PCDHGA4: variants seen among roughly 807,000 people sequenced by gnomAD.
The protein encoded by PCDHGA4 is protocadherin gamma subfamily A, 4.
In PCDHGA4, 38 loss-of-function variants were observed where a neutral mutation model predicts 54.6. The observed-to-expected ratio is 0.70, with a 90% confidence interval of 0.54 to 0.91. PCDHGA4 has a LOEUF of 0.91. Ranked by LOEUF, PCDHGA4 falls within the 40% of genes least tolerant of loss-of-function variation. PCDHGA4 has a pLI of 0.00. For missense variants in PCDHGA4, 1,298 were observed against 1,220.9 expected (o/e 1.06, Z -0.94); for synonymous variants, 511 against 512.9 (o/e 1.00, Z 0.05).
rs2099747616 is a variant in PCDHGA4 at position 141,493,318 on chromosome 5, TA to T, written c.2515-1487del. 6.6e-6 allele frequency among the ~76,000 whole-genome samples: 1 copy of T among 152,234 alleles called. No homozygotes were observed. Among genetic ancestry groups the T allele is most frequent in the South Asian group, 2.1e-4 (1 of 4,828 alleles). On this transcript the variant is annotated intron_variant, in intron 1 of 3. Coordinates refer to ENST00000571252, the MANE Select transcript of PCDHGA4 (RefSeq NM_018917.4). This position sits in a 1 kb window ranked among gnomAD's most constrained non-coding sequence, Gnocchi z 4.3. ...TTCACAGAGCAAGTAAGAGAGATTC[TA>T]ACCCCTGTCTAACTCCAGAATGTGT...
chr5:141,450,479 G>GTTTT (rs1165567597), intron 1 of PCDHGA4, among the ~76,000 whole-genome samples: 124 of 152,020 alleles, frequency 8.2e-4, no homozygotes, highest in African/African-American at 2.9e-3. Flanking sequence ...GAGTTTGTTT[G>GTTTT]TTTGTTTGTC....
At chr5:141,423,008 C>A in intron 1 of PCDHGA4, 13 of 1,614,214 alleles carry the variant, frequency 8.1e-6, no homozygotes, top group Non-Finnish European at 1.1e-5. Flanking sequence ...AAGGTGGTTG[C>A]GGTGGACAAA....
chr5:141,446,917 C>G (rs979679080), intron 1 of PCDHGA4, among the ~76,000 whole-genome samples: 1 of 152,108 alleles, frequency 6.6e-6, no homozygotes, highest in South Asian at 2.1e-4. Flanking sequence ...TTTTATTTAT[C>G]TTCCTGATCT....
At chr5:141,415,397 G>T (rs1168654728) in intron 1 of PCDHGA4, 1 of 1,614,124 alleles carries the variant, frequency 6.2e-7, no homozygotes, top group African/African-American at 1.3e-5. Context: ...GGTGTGTCCG[G>T]CTCGCACTTT....
At chr5:141,384,834 C>G (rs369584315) in intron 1 of PCDHGA4, 2 of 1,613,478 alleles carry the variant, frequency 1.2e-6, no homozygotes, top group Non-Finnish European at 1.7e-6. Flanking sequence ...TCGTGGTGGC[C>G]GTCCAGGACC....
At chr5:141,404,875 C>A in intron 1 of PCDHGA4, 1 of 1,613,904 alleles carries the variant, frequency 6.2e-7, no homozygotes, top group Non-Finnish European at 8.5e-7. Context: ...TCAAACAGAG[C>A]CTTGTGGTGG....
intron 1 of PCDHGA4, chr5:141,408,748 T>A (rs757813921): frequency 2.5e-6 from 4 of 1,608,714 alleles, no homozygotes; most frequent in Non-Finnish European, 3.4e-6. Flanking sequence ...CATTAATGGT[T>A]AGAGTTAATT....
At chr5:141,369,431 C>T (rs935831476) in intron 1 of PCDHGA4, among the ~76,000 whole-genome samples, 1 of 152,124 alleles carries the variant, frequency 6.6e-6, no homozygotes, top group Non-Finnish European at 1.5e-5. Flanking sequence ...ATTTGGGACG[C>T]TGAGGTGGGA....
intron 1 of PCDHGA4, chr5:141,427,962 G>T: frequency 2.5e-6 from 4 of 1,590,100 alleles, no homozygotes; most frequent in Non-Finnish European, 3.4e-6. Flanking sequence ...TGTGCCGCGG[G>T]TGCTGTACCC....
chr5:141,428,056 C>T (rs2097104330), intron 1 of PCDHGA4: 3 of 1,609,000 alleles, frequency 1.9e-6, no homozygotes, highest in African/African-American at 1.3e-5. Flanking sequence ...AAGGTGGTGG[C>T]GGTGGACGCA....
chr5:141,499,466 G>C (rs1337970911), intron 2 of PCDHGA4, among the ~76,000 whole-genome samples: 1 of 152,034 alleles, frequency 6.6e-6, no homozygotes, highest in African/African-American at 2.4e-5. Flanking sequence ...TTACAATCTA[G>C]GGAGAACCAC....
intron 1 of PCDHGA4, among the ~76,000 whole-genome samples, chr5:141,434,902 C>T (rs1591355042): frequency 6.6e-6 from 1 of 151,934 alleles, no homozygotes; most frequent in East Asian, 1.9e-4. Flanking sequence ...CCCCTTCCCT[C>T]ATACCTTATT....
chr5:141,466,819 C>A (rs2099130454), intron 1 of PCDHGA4, among the ~76,000 whole-genome samples: 1 of 152,068 alleles, frequency 6.6e-6, no homozygotes, highest in Non-Finnish European at 1.5e-5. Context: ...CATGGTATAA[C>A]AAGTTAGTAT....
chr5:141,434,178 G>C (rs960680568), intron 1 of PCDHGA4, among the ~76,000 whole-genome samples: 1 of 152,178 alleles, frequency 6.6e-6, no homozygotes, highest in African/African-American at 2.4e-5. Flanking sequence ...TTATATCCAA[G>C]ATTTGTAATT....
chr5:141,414,908 G>A (rs758472270), intron 1 of PCDHGA4: 19 of 1,614,188 alleles, frequency 1.2e-5, no homozygotes, highest in Non-Finnish European at 1.6e-5. Flanking sequence ...GGTTCCACAG[G>A]CGTGGAGCTG....
rs199877605 is a variant in PCDHGA4 at position 141,421,311 on chromosome 5, G to A, written c.2514+63690G>A. The A allele has an allele frequency of 9.5e-5, 154 of 1,613,788 alleles. No individual in the cohort carries two copies. The African/African-American group carries it at 1.9e-3, about 20-fold the overall frequency. On this transcript the variant is annotated intron_variant, in intron 1 of 3. Coordinates refer to ENST00000571252, the MANE Select transcript of PCDHGA4 (RefSeq NM_018917.4). ...TCCTGGGGACGCTGCGGGGGTTCCG[G>A]GCCAGGCAGATCCGATATTCGGTGC... is the stretch of plus-strand genomic sequence containing the variant.
At chr5:141,409,979 G>T in intron 1 of PCDHGA4, 1 of 1,613,348 alleles carries the variant, frequency 6.2e-7, no homozygotes, top group Non-Finnish European at 8.5e-7. Flanking sequence ...TAAGGTGGTA[G>T]CGGTGGACGC....
At chr5:141,415,791 C>G (rs2095959265) in intron 1 of PCDHGA4, 4 of 1,341,886 alleles carry the variant, frequency 3.0e-6, no homozygotes, top group Admixed American at 8.1e-5. Context: ...GTAAAATTCA[C>G]CTAGTCTCAA....
At chr5:141,387,479 A>C (rs2090961106) in intron 1 of PCDHGA4, among the ~76,000 whole-genome samples, 1 of 152,258 alleles carries the variant, frequency 6.6e-6, no homozygotes, top group Non-Finnish European at 1.5e-5. Context: ...AGTTGGGATG[A>C]AGGCATTCCT....
Sources: allele counts gnomAD v4.1 joint callset (sites outside exome capture counted in the v4.1 genomes callset), GRCh38; gene constraint gnomAD v4.1.1; non-coding constraint Gnocchi (gnomAD v3.1); transcripts MANE v1.5; gene names NCBI Gene and HGNC (gene_info 2026-07-23, HGNC 2026-07-21).